C2orf78: variants seen among roughly 807,000 people sequenced by gnomAD.
C2orf78 encodes the protein uncharacterized protein C2orf78.
C2orf78 carries 12 observed loss-of-function variants against 21.4 expected under a neutral mutation model. The observed-to-expected ratio is 0.56, with a 90% CI of 0.36 to 0.91. The LOEUF (loss-of-function observed/expected upper bound fraction) is 0.91. Among genes scored for constraint, C2orf78 ranks in the 40% least tolerant of loss-of-function variants. The pLI is 0.01. For synonymous variants in C2orf78, 396 were observed against 413.9 expected, an observed-to-expected ratio of 0.96 and a Z score of 0.52; for missense variants, 1,042 against 1,092.4, an observed-to-expected ratio of 0.95 and a Z score of 0.65.
chr2:73,807,902 A>T (rs1284073235), intron 1 of C2orf78, among the ~76,000 whole-genome samples: 1 of 150,304 alleles, frequency 6.7e-6, no homozygotes. Flanking sequence ...GGGGCAATCA[A>T]CAAACTTTGC....
chr2:73,814,188 C>T, exon 2 of C2orf78: 2 of 1,595,298 alleles, frequency 1.3e-6, no homozygotes, highest in Non-Finnish European at 1.7e-6. Flanking sequence ...ATGTATTACT[C>T]TGTGTCTTCT....
chr2:73,816,017 G>A (rs1428242388), exon 3 of C2orf78: 2 of 1,613,804 alleles, frequency 1.2e-6, no homozygotes, highest in Non-Finnish European at 1.7e-6. Context: ...AGGTAGAAGA[G>A]AAGCAAACCA....
At chr2:73,816,848 G>A (rs1673213317) in exon 3 of C2orf78, 1 of 1,613,900 alleles carries the variant, frequency 6.2e-7, no homozygotes, top group African/African-American at 1.3e-5. Flanking sequence ...CAGAAGAGCA[G>A]AGGCCAGAGC....
At chr2:73,809,952 C>T (rs1673042570) in intron 1 of C2orf78, among the ~76,000 whole-genome samples, 1 of 151,732 alleles carries the variant, frequency 6.6e-6, no homozygotes, top group Non-Finnish European at 1.5e-5. Context: ...TACTTTTCCC[C>T]TTGGGATATG....
At chr2:73,816,108 C>G (rs1673190283) in exon 3 of C2orf78, 1 of 1,613,934 alleles carries the variant, frequency 6.2e-7, no homozygotes, top group Non-Finnish European at 8.5e-7. Flanking sequence ...CCTAGGCATG[C>G]ACATGCTAGA....
At chr2:73,811,975 T>C (rs186295042) in intron 1 of C2orf78, among the ~76,000 whole-genome samples, 25 of 152,324 alleles carry the variant, frequency 1.6e-4, no homozygotes, top group African/African-American at 6.0e-4. Context: ...TATTGAAATA[T>C]CTATCCACAT....
chr2:73,784,595 C>G (rs1367983869), intron 1 of C2orf78, among the ~76,000 whole-genome samples, 189 bp downstream of exon 1: 186 of 150,964 alleles, frequency 1.2e-3, no homozygotes, highest in African/African-American at 4.4e-3. Flanking sequence ...CTTTTATTCT[C>G]TCACAAAATC....
At chr2:73,786,142 G>C (rs1672927311) in intron 1 of C2orf78, among the ~76,000 whole-genome samples, 2 of 152,038 alleles carry the variant, frequency 1.3e-5, no homozygotes, top group Non-Finnish European at 2.9e-5. Flanking sequence ...CACTTTGCAA[G>C]GCTGACGCAG....
intron 1 of C2orf78, among the ~76,000 whole-genome samples, chr2:73,785,785 A>G (rs71418706): frequency 5.3e-5 from 8 of 151,966 alleles, no homozygotes; most frequent in East Asian, 1.9e-4. Context: ...GGTGGCTTAC[A>G]CCTGTAATCC....
intron 1 of C2orf78, among the ~76,000 whole-genome samples, chr2:73,785,620 C>T (rs997248063): frequency 1.3e-5 from 2 of 151,618 alleles, no homozygotes; most frequent in Non-Finnish European, 2.9e-5. Flanking sequence ...GATCAATGGA[C>T]GAGGAAGGAA....
chr2:73,798,093 G>A (rs1672956161), intron 1 of C2orf78, among the ~76,000 whole-genome samples: 1 of 69,588 alleles, frequency 1.4e-5, no homozygotes, highest in African/African-American at 4.4e-5. Context: ...TTCCTACAAG[G>A]GGCAGTCAAG....
intron 1 of C2orf78, among the ~76,000 whole-genome samples, chr2:73,810,692 AT>A (rs1673067202): frequency 7.5e-6 from 1 of 133,450 alleles, no homozygotes; most frequent in Non-Finnish European, 1.5e-5. Context: ...ATACATATAT[AT>A]TTTATATATA....
At chr2:73,785,884 T>C (rs1266712905) in intron 1 of C2orf78, among the ~76,000 whole-genome samples, 2 of 151,772 alleles carry the variant, frequency 1.3e-5, no homozygotes. Context: ...CCACCTCTAC[T>C]AAAAATACCA....
At chr2:73,811,063 G>C (rs1031428572) in intron 1 of C2orf78, among the ~76,000 whole-genome samples, 5 of 150,740 alleles carry the variant, frequency 3.3e-5, no homozygotes, top group African/African-American at 1.2e-4. Context: ...GGCTGAGGCG[G>C]GTGGATCACC....
At chr2:73,808,952 A>G in intron 1 of C2orf78, 1 of 602,630 alleles carries the variant, frequency 1.7e-6, no homozygotes, top group Non-Finnish European at 2.9e-6. Context: ...CTTTGCCACT[A>G]AATTTAGATT....
exon 2 of C2orf78, chr2:73,813,922 A>G (rs752722460): frequency 6.2e-7 from 1 of 1,613,898 alleles, no homozygotes; most frequent in African/African-American, 1.3e-5. Flanking sequence ...ATCCATCACT[A>G]TCTGCCAGCC....
At chr2:73,817,122 G>C in exon 3 of C2orf78, 4 of 1,017,910 alleles carry the variant, frequency 3.9e-6, no homozygotes, top group Non-Finnish European at 5.2e-6. Flanking sequence ...TAATAGATAA[G>C]TAATAAAGAG....
exon 3 of C2orf78, chr2:73,816,677 A>T (rs779964737): frequency 6.2e-7 from 1 of 1,613,896 alleles, no homozygotes; most frequent in Non-Finnish European, 8.5e-7. Context: ...ACAAAACATC[A>T]TCTTGTTCTT....
At chr2:73,814,208 A>T (rs1310597815) in exon 2 of C2orf78, 1 of 1,577,930 alleles carries the variant, frequency 6.3e-7, no homozygotes, top group Admixed American at 1.8e-5. Flanking sequence ...TCAACCCATC[A>T]CAGAAACCAG....
Sources: allele counts gnomAD v4.1 joint callset (sites outside exome capture counted in the v4.1 genomes callset), GRCh38; gene constraint gnomAD v4.1.1; transcripts MANE v1.5; gene names NCBI Gene and HGNC (gene_info 2026-07-23, HGNC 2026-07-21).